Variants in PPM1J observed in about 807,000 individuals in gnomAD.
PPM1J encodes the protein protein phosphatase, Mg2+/Mn2+ dependent 1J.
In PPM1J, 43 loss-of-function variants were observed where a neutral mutation model predicts 53.3. That is an observed-to-expected ratio of 0.81 (90% CI 0.63 to 1.04). PPM1J has a LOEUF of 1.04. PPM1J is among the 50% of genes least tolerant of loss of function. The probability of loss-of-function intolerance (pLI) is 0.00; values close to 1 mark genes in which losing one functional copy is unlikely to be tolerated. For missense variants in PPM1J, 635 were observed against 685.9 expected (o/e 0.93, Z 0.83); for synonymous variants, 267 against 286.4 (o/e 0.93, Z 0.68).
Position 112,715,059 on chromosome 1 carries a change from T to G in PPM1J, c.243A>C (p.Arg81=). Residue 81 remains arginine, a synonymous_variant, in exon 1 of 10, where the codon CGA becomes CGC. Transcript: ENST00000309276. This position sits in a 1 kb window ranked among gnomAD's most constrained non-coding sequence, Gnocchi z 4.4. The part of the protein sequence containing the change: ...TFLQLSPGGL[R]RADDHAGRAV... The stretch of plus-strand genomic sequence containing the variant: ...CCCGGCCCGCGTGGTCATCGGCGCG[T>G]CGCAGCCCCCCGGGGCTCAGCTGCA... The G allele has an allele frequency of 1.3e-6, 2 of 1,541,542 alleles. No homozygotes were observed. Among genetic ancestry groups the G allele is most frequent in the Non-Finnish European group, 1.7e-6 (2 of 1,153,182 alleles).
chr1:112,713,430 A>T, intron 2 of PPM1J, 67 bp downstream of exon 2: 2 of 1,155,398 alleles, frequency 1.7e-6, no homozygotes, highest in Non-Finnish European at 2.6e-6. Context: ...GCTCAGATTT[A>T]AAACCAGAGG....
intron 9 of PPM1J, 28 bp downstream of exon 9, chr1:112,710,432 C>T (rs761175692): frequency 6.2e-7 from 1 of 1,613,046 alleles, no homozygotes; most frequent in Non-Finnish European, 8.5e-7. Flanking sequence ...AATGCCATCC[C>T]CTTACCACCA....
chr1:112,711,182 C>T (rs890364732), intron 6 of PPM1J, 84 bp downstream of exon 6: 2 of 1,460,486 alleles, frequency 1.4e-6, no homozygotes, highest in Middle Eastern at 1.7e-4. Context: ...TCCCAACTCC[C>T]AGCCTCCAGC....
chr1:112,710,930 C>T, intron 7 of PPM1J, 78 bp downstream of exon 7: 2 of 1,574,542 alleles, frequency 1.3e-6, no homozygotes, highest in Non-Finnish European at 1.7e-6. Context: ...CACCCCTACC[C>T]TCAGGTAGAA....
chr1:112,714,526 A>G, intron 1 of PPM1J: 1 of 991,810 alleles, frequency 1.0e-6, no homozygotes, highest in Non-Finnish European at 1.2e-6. Flanking sequence ...CTACGGTAAG[A>G]GGGACAGGGA....
At position 112,710,502 on chromosome 1, in the gene PPM1J, ACAGTGG is replaced by A. The variant is rs1243239828; in HGVS notation, c.1322_1327del (p.Ala441_Thr442del). 1.7e-5 allele frequency: 27 copies of A among 1,614,040 alleles called. No homozygotes were observed. The highest frequency in any genetic ancestry group is 2.2e-5 in the Non-Finnish European group (26 of 1,180,034). ...CTCATAGGCCGACAGCACCCTGTCC[ACAGTGG>A]CAGCTACCTCACAGTCAGTAGTGAC... On this transcript the variant is annotated inframe_deletion, in exon 9 of 10. Transcript: ENST00000309276.
chr1:112,713,732 T>G, intron 1 of PPM1J, 121 bp from the exon 2 acceptor site: 1 of 833,708 alleles, frequency 1.2e-6, no homozygotes, highest in South Asian at 1.5e-5. Flanking sequence ...CACAGCCACC[T>G]GGGATCCAGG....
rs1437380044 is a variant in PPM1J at position 112,714,169 on chromosome 1, G to A, written c.327-558C>T. 6.0e-6 allele frequency: 6 copies of A among 994,148 alleles called. No individual in the cohort carries two copies. In the African/African-American group the frequency reaches 1.0e-4, roughly 17 times the overall value. 61.6% of individuals were successfully genotyped at this position (994,148 alleles called of 1,614,324 possible). A position where few individuals can be genotyped will look rare whatever the true frequency, so the allele number is the denominator to read the frequency against. ...ATAGAGTAGAAGTGAAAGCCCACCT[G>A]GACTGGGCAGGAGCCACATACCCAT... On this transcript the variant is annotated intron_variant, in intron 1 of 9. Transcript: ENST00000309276.
chr1:112,711,087 T>C lies in PPM1J; in HGVS notation c.1047-16A>G, dbSNP rs1675045847. 8 of 1,610,202 alleles carry C rather than the reference T, an allele frequency of 5.0e-6. No homozygotes were observed. The East Asian group carries it at 1.8e-4, about 36-fold the overall frequency. On this transcript the variant is annotated splice_polypyrimidine_tract_variant and intron_variant, in intron 6 of 9. Coordinates refer to ENST00000309276, the MANE Select transcript of PPM1J (RefSeq NM_005167.7). ...TTTGTAGGCCCTGGGGAGGGGGGAG[T>C]AGAGGAGGCATCACCCAGGCATCAA...
intron 1 of PPM1J, chr1:112,714,555 G>T (rs1386332257): frequency 2.0e-6 from 2 of 1,000,052 alleles, no homozygotes; most frequent in African/African-American, 3.5e-5. Flanking sequence ...GCTGGAGCCG[G>T]GAAGCGGGTG....
intron 1 of PPM1J, chr1:112,714,049 C>G (rs928092322): frequency 8.6e-6 from 9 of 1,043,540 alleles, no homozygotes; most frequent in Non-Finnish European, 1.0e-5. Context: ...TCCTCATGGG[C>G]ACACCCACCC....
intron 1 of PPM1J, 81 bp from the exon 2 acceptor site, chr1:112,713,692 C>G (rs1675128372): frequency 4.3e-6 from 5 of 1,150,254 alleles, no homozygotes; most frequent in Admixed American, 3.4e-5. Context: ...CACACCGTCT[C>G]CTGCGCCCGC....
chr1:112,714,152 G>A, intron 1 of PPM1J: 3 of 997,852 alleles, frequency 3.0e-6, no homozygotes, highest in Non-Finnish European at 3.6e-6. Flanking sequence ...AAATAGAGTA[G>A]AAGTGAAAGC....
At chr1:112,713,338 G>A (rs1312761642) in intron 2 of PPM1J, among the ~76,000 whole-genome samples, 159 bp downstream of exon 2, 1 of 152,152 alleles carries the variant, frequency 6.6e-6, no homozygotes, top group Non-Finnish European at 1.5e-5. Context: ...TGCTTACATG[G>A]TAGAATCTAA....
intron 5 of PPM1J, among the ~76,000 whole-genome samples, chr1:112,711,661 A>G (rs2101480282): frequency 6.6e-6 from 1 of 152,282 alleles, no homozygotes; most frequent in African/African-American, 2.4e-5. Context: ...CCAGCTCCAC[A>G]GCCACATGCG....
intron 5 of PPM1J, among the ~76,000 whole-genome samples, chr1:112,711,634 G>T (rs949573065): frequency 6.6e-6 from 1 of 152,204 alleles, no homozygotes; most frequent in South Asian, 2.1e-4. Flanking sequence ...ACTCAGACCA[G>T]GATGCATCCC....
Position 112,712,405 on chromosome 1 carries a change from C to A in PPM1J, c.782G>T (p.Cys261Phe). The stretch of plus-strand genomic sequence containing the variant: ...TAGCAGGTAGATCACAACCAGTGCA[C>A]AGCAGCCCCCCTCCACTTGGTGGCC... ...RRGHQVEGGC[C>F]ALVVIYLLGK... Residue 261 changes from cysteine to phenylalanine, a missense_variant, in exon 4 of 10, where the codon TGT becomes TTT. By Grantham distance (205) the Cys-to-Phe change is radical. Transcript: ENST00000309276. The A allele has an allele frequency of 6.2e-7, 1 of 1,614,072 alleles. No individual in the cohort carries two copies. The highest frequency in any genetic ancestry group is 2.2e-5 in the East Asian group (1 of 44,864).
At chr1:112,714,507 G>T (rs1236009596) in intron 1 of PPM1J, 1 of 988,648 alleles carries the variant, frequency 1.0e-6, no homozygotes, top group Non-Finnish European at 1.2e-6. Context: ...GTGTGGAGGG[G>T]GAGGGGAACT....
chr1:112,711,954 A>T lies in PPM1J; in HGVS notation c.927+17T>A, dbSNP rs1296988947. The T allele has an allele frequency of 6.3e-7, 1 of 1,576,262 alleles. No individual in the cohort carries two copies. The highest frequency in any genetic ancestry group is 1.7e-5 in the Admixed American group (1 of 58,154). ...ACCCGACAAAGAATGGGGGTAGGGA[A>T]TTTGGTTCCTACTTACAAGCAGCTG... On this transcript the variant is annotated intron_variant, in intron 5 of 9. Coordinates refer to ENST00000309276, the MANE Select transcript of PPM1J (RefSeq NM_005167.7).
Sources: allele counts gnomAD v4.1 joint callset (sites outside exome capture counted in the v4.1 genomes callset), GRCh38; gene constraint gnomAD v4.1.1; non-coding constraint Gnocchi (gnomAD v3.1); transcripts MANE v1.5; gene names NCBI Gene and HGNC (gene_info 2026-07-23, HGNC 2026-07-21).